The following AREL1 variants were observed in gnomAD, a reference collection of about 807,000 sequenced individuals.
The protein encoded by AREL1 is apoptosis-resistant E3 ubiquitin protein ligase 1.
In AREL1, 62 loss-of-function variants were observed where a neutral mutation model predicts 99.0. The ratio of observed to expected loss-of-function variants is 0.63; its 90% CI spans 0.51 to 0.77. The LOEUF is 0.77. AREL1 is among the 30% of genes least tolerant of loss of function. The pLI, the probability that AREL1 is intolerant of heterozygous loss-of-function variation, is 0.00. For missense variants in AREL1, 879 were observed against 1,027.6 expected, an observed-to-expected ratio of 0.86 and a Z score of 1.98; for synonymous variants, 380 against 376.5, an observed-to-expected ratio of 1.01 and a Z score of -0.11.
intron 1 of AREL1, among the ~76,000 whole-genome samples, chr14:74,709,775 A>G (rs1211137811): frequency 6.6e-6 from 1 of 152,236 alleles, no homozygotes; most frequent in African/African-American, 2.4e-5. Context: ...ATAACTTGAA[A>G]ATGGACAAAA....
chr14:74,669,537 T>C, intron 15 of AREL1, 112 bp downstream of exon 15: 8 of 1,390,578 alleles, frequency 5.8e-6, no homozygotes, highest in South Asian at 4.2e-5. Flanking sequence ...GGGTGTTTAA[T>C]AGACAACACA....
intron 1 of AREL1, among the ~76,000 whole-genome samples, chr14:74,698,424 T>A (rs554496696): frequency 6.6e-6 from 1 of 152,330 alleles, no homozygotes; most frequent in African/African-American, 2.4e-5. Context: ...GGTTACAGTC[T>A]AATTCACTCG....
In AREL1 at chr14:74,684,575, C is replaced by T. The variant is rs370542506; in HGVS notation, c.122G>A (p.Arg41Gln). ...SFLQNEDRERRGDRTIYDYVR... is the reference protein window; with the variant it reads ...SFLQNEDRERQGDRTIYDYVR... ...GTAGTCATAAATAGTCCGGTCCCCT[C>T]GGCGCTCGCGGTCCTCATTCTGGAG... The change falls in exon 4 of 20, where the codon CGA (arginine) becomes CAA (glutamine). Residue 41 changes from arginine (R) to glutamine (Q), a missense_variant. Physicochemically the swap from Arg to Gln is conservative, Grantham distance 43. Transcript: ENST00000356357. 9 of 1,614,152 alleles carry T rather than the reference C, an allele frequency of 5.6e-6. No homozygotes were observed. Among genetic ancestry groups the T allele is most frequent in the East Asian group, 4.5e-5 (2 of 44,886 alleles).
intron 1 of AREL1, among the ~76,000 whole-genome samples, chr14:74,699,017 T>C (rs1197867097): frequency 6.6e-6 from 1 of 152,126 alleles, no homozygotes; most frequent in East Asian, 1.9e-4. Flanking sequence ...AGCAAGACTC[T>C]GTCTCCAAAA....
chr14:74,686,564 T>C (rs189116817), intron 2 of AREL1, among the ~76,000 whole-genome samples: 1 of 152,372 alleles, frequency 6.6e-6, no homozygotes, highest in East Asian at 1.9e-4. Context: ...GCTGTCAATG[T>C]TATCTTGACC....
chr14:74,680,646 A>C (rs1020672890), intron 5 of AREL1, among the ~76,000 whole-genome samples: 5 of 152,248 alleles, frequency 3.3e-5, no homozygotes, highest in Non-Finnish European at 5.9e-5. Flanking sequence ...AACCCAGATG[A>C]CCTTTAACAG....
intron 18 of AREL1, 68 bp from the exon 19 acceptor site, chr14:74,664,142 G>C (rs537579875): frequency 9.8e-6 from 15 of 1,527,710 alleles, no homozygotes; most frequent in Admixed American, 4.0e-5. Flanking sequence ...CCTGGGGAAG[G>C]AACAAGATAC....
chr14:74,688,019 C>CTTTTTTTTT (rs764034669), intron 2 of AREL1, among the ~76,000 whole-genome samples: 1 of 108,718 alleles, frequency 9.2e-6, no homozygotes. Flanking sequence ...TGAGTACTTA[C>CTTTTTTTTT]TTTTTTTTTT....
In AREL1 at chr14:74,668,666, C is replaced by T. The variant is rs188966721; in HGVS notation, c.1914+983G>A. ...ATCCCATGTGTACAAAGGCAGACAGCTGGGAATCCCATAATTTCCAGAAAG... is the reference window on the plus strand; with the variant it reads ...ATCCCATGTGTACAAAGGCAGACAGTTGGGAATCCCATAATTTCCAGAAAG... On this transcript the variant is annotated intron_variant, in intron 15 of 19. Transcript: ENST00000356357. 8.4e-3 allele frequency among the ~76,000 whole-genome samples: 1,282 copies of T among 152,192 alleles called. 12 individuals are homozygous for T. The highest frequency in any genetic ancestry group is 0.015 in the Non-Finnish European group (1,005 of 68,012).
intron 1 of AREL1, among the ~76,000 whole-genome samples, chr14:74,702,935 TC>T (rs1236333507): frequency 6.6e-6 from 1 of 152,188 alleles, no homozygotes; most frequent in Non-Finnish European, 1.5e-5. Context: ...GATTTCAATG[TC>T]CATATCATCA....
chr14:74,685,720 G>T, intron 2 of AREL1, 60 bp from the exon 3 acceptor site: 1 of 1,466,354 alleles, frequency 6.8e-7, no homozygotes, highest in Non-Finnish European at 9.5e-7. Context: ...CTATCTCAGA[G>T]TAAGACAAAG....
At chr14:74,686,629 T>C (rs535827049) in intron 2 of AREL1, among the ~76,000 whole-genome samples, 1 of 152,308 alleles carries the variant, frequency 6.6e-6, no homozygotes, top group South Asian at 2.1e-4. Context: ...GCTAAAAATT[T>C]CTAGGCTCAG....
intron 3 of AREL1, among the ~76,000 whole-genome samples, chr14:74,685,355 C>G (rs1386586251): frequency 6.6e-6 from 1 of 152,124 alleles, no homozygotes; most frequent in Non-Finnish European, 1.5e-5. Context: ...ATGCCTACTC[C>G]TTGAAGGCAG....
chr14:74,673,534 TAAGG>T, intron 9 of AREL1, among the ~76,000 whole-genome samples: 1 of 152,176 alleles, frequency 6.6e-6, no homozygotes, highest in Non-Finnish European at 1.5e-5. Context: ...ATAGCAATAG[TAAGG>T]ATATATTAAA....
Position 74,676,336 on chromosome 14 carries a change from C to G in AREL1, c.652-15G>C, listed in dbSNP as rs933041574. ...TGAGGGCCGAGCTATAGGAAGGCAA[C>G]AGAGCATCACTTAACATATAGTATT... On this transcript the variant is annotated splice_polypyrimidine_tract_variant and intron_variant, in intron 6 of 19. Coordinates refer to ENST00000356357, the MANE Select transcript of AREL1 (RefSeq NM_001039479.2). 3.7e-6 allele frequency: 6 copies of G among 1,612,452 alleles called. No homozygotes were observed. The highest frequency in any genetic ancestry group is 5.1e-6 in the Non-Finnish European group (6 of 1,179,044).
At chr14:74,702,721 C>T (rs2090108907) in intron 1 of AREL1, among the ~76,000 whole-genome samples, 1 of 152,210 alleles carries the variant, frequency 6.6e-6, no homozygotes, top group Admixed American at 6.5e-5. Context: ...CACTGTCAGG[C>T]TGCAAATTTT....
At chr14:74,690,142 G>A (rs2089843298) in intron 2 of AREL1, among the ~76,000 whole-genome samples, 1 of 151,508 alleles carries the variant, frequency 6.6e-6, no homozygotes, top group African/African-American at 2.4e-5. Context: ...CCAAGCTACT[G>A]GAGGCAAGGA....
At chr14:74,706,049 A>G (rs1006114311) in intron 1 of AREL1, among the ~76,000 whole-genome samples, 7 of 152,206 alleles carry the variant, frequency 4.6e-5, no homozygotes, top group Non-Finnish European at 7.3e-5. Flanking sequence ...CCCTAAATCT[A>G]GAAAATACTA....
At chr14:74,679,345 G>A (rs1423681932) in intron 5 of AREL1, among the ~76,000 whole-genome samples, 3 of 151,804 alleles carry the variant, frequency 2.0e-5, no homozygotes, top group Admixed American at 6.6e-5. Context: ...CACCTAAGCC[G>A]GGAGAGGTCA....
Sources: allele counts gnomAD v4.1 joint callset (sites outside exome capture counted in the v4.1 genomes callset), GRCh38; gene constraint gnomAD v4.1.1; transcripts MANE v1.5; gene names NCBI Gene and HGNC (gene_info 2026-07-23, HGNC 2026-07-21).